Variants in NDUFAF2 observed in about 807,000 individuals in gnomAD.
NDUFAF2 encodes the protein NADH dehydrogenase [ubiquinone] 1 alpha subcomplex assembly factor 2.
NDUFAF2 carries 13 observed loss-of-function variants against 22.8 expected under a neutral mutation model. That is an observed-to-expected ratio of 0.57 (90% CI 0.37 to 0.91). The LOEUF is 0.91. NDUFAF2 is among the 40% of genes least tolerant of loss of function. The pLI, the probability that NDUFAF2 is intolerant of heterozygous loss-of-function variation, is 0.01. For synonymous variants in NDUFAF2, 53 were observed against 64.2 expected, an observed-to-expected ratio of 0.83 and a Z score of 0.84; for missense variants, 162 against 195.2, an observed-to-expected ratio of 0.83 and a Z score of 1.01.
chr5:61,133,525 G>A (rs1218798124), intron 3 of NDUFAF2, among the ~76,000 whole-genome samples: 1 of 152,122 alleles, frequency 6.6e-6, no homozygotes, highest in Non-Finnish European at 1.5e-5. Context: ...AAATAAGTTT[G>A]TATCTATCTT....
chr5:61,003,517 G>A (rs162240), intron 1 of NDUFAF2, among the ~76,000 whole-genome samples: 22,534 of 151,630 alleles, frequency 0.15, 2,126 homozygotes, highest in South Asian at 0.28. Context: ...TCATGATTAG[G>A]ATAAGATAAC....
chr5:61,000,370 A>T (rs987563848), intron 1 of NDUFAF2, among the ~76,000 whole-genome samples: 3 of 152,028 alleles, frequency 2.0e-5, no homozygotes, highest in Non-Finnish European at 2.9e-5. Flanking sequence ...TTACCATGAG[A>T]TTTCTGTGTG....
intron 3 of NDUFAF2, among the ~76,000 whole-genome samples, chr5:61,138,934 T>C (rs1215909822): frequency 1.3e-5 from 2 of 152,216 alleles, no homozygotes; most frequent in African/African-American, 4.8e-5. Context: ...TCCACCCAGA[T>C]AGTTGGCTAT....
At chr5:61,098,851 G>A (rs1752673970) in intron 2 of NDUFAF2, 141 bp from the exon 3 acceptor site, 1 of 533,934 alleles carries the variant, frequency 1.9e-6, no homozygotes, top group South Asian at 2.8e-5. Flanking sequence ...GTAGAGAAGG[G>A]ACTTAATCTG....
chr5:61,013,602 A>T (rs1379721125), intron 1 of NDUFAF2, among the ~76,000 whole-genome samples: 1 of 152,094 alleles, frequency 6.6e-6, no homozygotes, highest in African/African-American at 2.4e-5. Context: ...TATAACATTG[A>T]ATGTGCTTCT....
chr5:61,075,490 G>T (rs541429998), intron 2 of NDUFAF2, among the ~76,000 whole-genome samples: 1 of 152,052 alleles, frequency 6.6e-6, no homozygotes, highest in South Asian at 2.1e-4. Context: ...TGGATAATGC[G>T]TGCACCTTCT....
intron 1 of NDUFAF2, among the ~76,000 whole-genome samples, chr5:61,040,656 AC>A (rs1751869890): frequency 6.6e-6 from 1 of 152,094 alleles, no homozygotes; most frequent in African/African-American, 2.4e-5. Flanking sequence ...TGATTTCAGA[AC>A]CCCACAAGTA....
At chr5:61,025,975 TC>T (rs1751644464) in intron 1 of NDUFAF2, among the ~76,000 whole-genome samples, 1 of 152,046 alleles carries the variant, frequency 6.6e-6, no homozygotes, top group Non-Finnish European at 1.5e-5. Flanking sequence ...AAAAGTTAAC[TC>T]TTTAAATGGA....
At chr5:61,074,776 A>C (rs759195741) in intron 2 of NDUFAF2, among the ~76,000 whole-genome samples, 1 of 152,150 alleles carries the variant, frequency 6.6e-6, no homozygotes, top group Non-Finnish European at 1.5e-5. Context: ...AGAAAAGAAA[A>C]GAAAAGAAAT....
chr5:61,117,658 A>G (rs771624881), intron 3 of NDUFAF2, among the ~76,000 whole-genome samples: 3 of 150,454 alleles, frequency 2.0e-5, no homozygotes, highest in Non-Finnish European at 3.0e-5. Context: ...GCCCAGCCCA[A>G]TGCATATGAT....
rs1055253034 is a variant in NDUFAF2 at position 61,130,892 on chromosome 5, C to T, written c.259-21812C>T. Among the ~76,000 whole-genome samples, 7 of 151,984 alleles carry T rather than the reference C, an allele frequency of 4.6e-5. No homozygotes were observed. The South Asian group carries it at 1.4e-3, about 31-fold the overall frequency. The stretch of plus-strand genomic sequence containing the variant: ...ATACGAAACAGTACCAGAAATGGGA[C>T]ATTACAAATGTGAAAACAGGTTCAA... On this transcript the variant is annotated intron_variant, in intron 3 of 3. Transcript: ENST00000296597.
At chr5:61,009,852 C>G (rs1488299780) in intron 1 of NDUFAF2, among the ~76,000 whole-genome samples, 1 of 152,004 alleles carries the variant, frequency 6.6e-6, no homozygotes, top group Non-Finnish European at 1.5e-5. Flanking sequence ...AAAACTGAAA[C>G]TAATTATTCC....
At chr5:61,066,267 G>A (rs1240982450) in intron 1 of NDUFAF2, among the ~76,000 whole-genome samples, 1 of 151,970 alleles carries the variant, frequency 6.6e-6, no homozygotes, top group Non-Finnish European at 1.5e-5. Flanking sequence ...ACTATTGTTA[G>A]AATGTTCATA....
At chr5:61,045,022 T>TATTAAATTTTAATTTA (rs368136615) in intron 1 of NDUFAF2, among the ~76,000 whole-genome samples, 60,117 of 128,014 alleles carry the variant, frequency 0.47, 14,857 homozygotes, top group East Asian at 0.72. Flanking sequence ...GTATTAAATT[T>TATTAAATTTTAATTTA]ATTAAATTTT....
intron 1 of NDUFAF2, among the ~76,000 whole-genome samples, chr5:61,060,461 C>T (rs1432582253): frequency 6.6e-6 from 1 of 152,106 alleles, no homozygotes; most frequent in African/African-American, 2.4e-5. Context: ...GTCTCTTATA[C>T]ATCACCACCA....
intron 1 of NDUFAF2, among the ~76,000 whole-genome samples, chr5:60,982,958 T>G (rs1234791572): frequency 6.6e-6 from 1 of 151,818 alleles, no homozygotes; most frequent in East Asian, 2.0e-4. Flanking sequence ...AGTTCTAGAT[T>G]CCTGAGGAAT....
chr5:61,132,334 G>C lies in NDUFAF2; in HGVS notation c.259-20370G>C, dbSNP rs577767805. On this transcript the variant is annotated intron_variant, in intron 3 of 3. Coordinates refer to ENST00000296597, the MANE Select transcript of NDUFAF2 (RefSeq NM_174889.5). ...GGGCTTCAGCCTAGGTCTTTTGGTGGGTTCCTTCTTTACCCTTGATTCTCC... is the reference window on the plus strand; with the variant it reads ...GGGCTTCAGCCTAGGTCTTTTGGTGCGTTCCTTCTTTACCCTTGATTCTCC... 5.1e-4 allele frequency among the ~76,000 whole-genome samples: 78 copies of C among 152,182 alleles called. 1 individual carries two copies. Among genetic ancestry groups the C allele is most frequent in the African/African-American group, 1.8e-3 (73 of 41,514 alleles).
chr5:61,077,051 A>G (rs1051528079), intron 2 of NDUFAF2, among the ~76,000 whole-genome samples: 2 of 152,190 alleles, frequency 1.3e-5, no homozygotes, highest in African/African-American at 4.8e-5. Context: ...GGAAAAATGA[A>G]ATCAATTTTG....
intron 3 of NDUFAF2, among the ~76,000 whole-genome samples, chr5:61,147,433 C>CTTTTTTTTTTTTTTTT (rs1561139813): frequency 2.1e-5 from 1 of 47,470 alleles, no homozygotes; most frequent in Non-Finnish European, 4.6e-5. Flanking sequence ...ATTTTTTTTT[C>CTTTTTTTTTTTTTTTT]TTTCTTTTTT....
Sources: gnomAD v4.1 joint callset for allele counts (sites outside exome capture counted in the v4.1 genomes callset) on GRCh38, gnomAD v4.1.1 for gene constraint, MANE v1.5 for transcripts, NCBI Gene and HGNC (gene_info 2026-07-23, HGNC 2026-07-21) for gene names.